Variants in XPR1 observed in about 807,000 individuals in gnomAD.
XPR1 encodes the protein xenotropic and polytropic retrovirus receptor 1, also known as solute carrier family 53 member 1.
A neutral mutation model predicts 87.5 loss-of-function variants in XPR1; 28 were observed. That is an observed-to-expected ratio of 0.32 (90% CI 0.24 to 0.44). XPR1 has a LOEUF of 0.44. Ranked by LOEUF, XPR1 falls within the 20% of genes least tolerant of loss-of-function variation. The pLI is 1.00. For synonymous variants in XPR1, 300 were observed against 306.1 expected, an observed-to-expected ratio of 0.98 and a Z score of 0.21; for missense variants, 559 against 862.3, an observed-to-expected ratio of 0.65 and a Z score of 4.41.
chr1:180,806,982 T>C (rs1421682034), intron 6 of XPR1, among the ~76,000 whole-genome samples: 4 of 152,098 alleles, frequency 2.6e-5, no homozygotes, highest in Non-Finnish European at 4.4e-5. Context: ...TCAATAAATA[T>C]AGAAGGATTT....
chr1:180,683,558 T>C (rs1656661553), intron 2 of XPR1, among the ~76,000 whole-genome samples: 1 of 152,218 alleles, frequency 6.6e-6, no homozygotes, highest in Admixed American at 6.5e-5. Context: ...TCCACAATGG[T>C]TGAACTAGTT....
chr1:180,719,701 C>A (rs1438710668), intron 2 of XPR1, among the ~76,000 whole-genome samples: 1 of 152,142 alleles, frequency 6.6e-6, no homozygotes, highest in Non-Finnish European at 1.5e-5. Flanking sequence ...GTTGGGTTAT[C>A]TGTTACTTTA....
intron 1 of XPR1, among the ~76,000 whole-genome samples, chr1:180,663,481 G>C (rs2331626): frequency 0.73 from 111,062 of 152,050 alleles, 41,006 homozygotes; most frequent in African/African-American, 0.79. Context: ...CTTTTACTTT[G>C]TCCTAGATAA....
In XPR1 at chr1:180,885,049, C is replaced by T. The variant is rs1230086695; in HGVS notation, c.*983C>T. The T allele has an allele frequency of 1.3e-5, 2 of 152,576 alleles. No homozygotes were observed. The highest frequency in any genetic ancestry group is 2.9e-5 in the Non-Finnish European group (2 of 68,040). The allele number at this position is 152,576 out of a possible 1,614,324, so 9.5% of individuals were successfully genotyped here. Reference sequence around the variant, plus strand: ...ACACTGGCCCATATTTCAACCTTAACAGCTGAAGCTATGCCTTATTATGCA... The same window carrying T: ...ACACTGGCCCATATTTCAACCTTAATAGCTGAAGCTATGCCTTATTATGCA... On this transcript the variant is annotated 3_prime_UTR_variant, in exon 15 of 15. Coordinates refer to ENST00000367590, the MANE Select transcript of XPR1 (RefSeq NM_004736.4).
chr1:180,832,310 T>G (rs1157431690), intron 9 of XPR1, among the ~76,000 whole-genome samples: 1 of 152,226 alleles, frequency 6.6e-6, no homozygotes, highest in Non-Finnish European at 1.5e-5. Flanking sequence ...GATGGATAGA[T>G]TGCAAAAGTT....
At chr1:180,725,713 CTT>C (rs1389200132) in intron 2 of XPR1, among the ~76,000 whole-genome samples, 2 of 152,194 alleles carry the variant, frequency 1.3e-5, no homozygotes, top group African/African-American at 2.4e-5. Context: ...CATTTTAACA[CTT>C]TTGTTGTAAG....
chr1:180,841,951 TAAAG>T (rs1453311055), intron 11 of XPR1, among the ~76,000 whole-genome samples: 3 of 152,124 alleles, frequency 2.0e-5, no homozygotes, highest in Non-Finnish European at 4.4e-5. Context: ...TAGAATTTGT[TAAAG>T]AACATGGGAA....
intron 2 of XPR1, among the ~76,000 whole-genome samples, chr1:180,689,854 C>T (rs1054161383): frequency 6.6e-6 from 1 of 152,068 alleles, no homozygotes; most frequent in African/African-American, 2.4e-5. Flanking sequence ...TAAAACTATT[C>T]TAAGGTTAAA....
chr1:180,879,060 C>T lies in XPR1; in HGVS notation c.1809-1016C>T, dbSNP rs529805228. On this transcript the variant is annotated intron_variant, in intron 13 of 14. Transcript: ENST00000367590. ...ATTAGCTCTAACCTAACAGGAACAGCCCTGCATCTCTGATCTTAGTAAATG... is the reference window on the plus strand; with the variant it reads ...ATTAGCTCTAACCTAACAGGAACAGTCCTGCATCTCTGATCTTAGTAAATG... Among the ~76,000 whole-genome samples, 8 of 152,350 alleles carry T rather than the reference C, an allele frequency of 5.3e-5. No homozygotes were observed. In the East Asian group the frequency reaches 1.5e-3, roughly 29 times the overall value.
intron 7 of XPR1, among the ~76,000 whole-genome samples, chr1:180,815,854 T>C (rs1640509892): frequency 6.6e-6 from 1 of 152,146 alleles, no homozygotes; most frequent in South Asian, 2.1e-4. Context: ...TTTGGCAGTG[T>C]GTGTAAAAAT....
chr1:180,678,849 G>A (rs1385652277), intron 1 of XPR1, among the ~76,000 whole-genome samples: 2 of 152,138 alleles, frequency 1.3e-5, no homozygotes, highest in African/African-American at 4.8e-5. Context: ...TTAAAAGAGT[G>A]GGTTACCCTG....
rs1557994420 is a variant in XPR1 at position 180,760,679 on chromosome 1, G to A, written c.122-27074G>A. ...AGGAAGAATCAATATCGTGAAAATG[G>A]CCATACTGCCCAAGGTAATTTATAG... On this transcript the variant is annotated intron_variant, in intron 2 of 14. Transcript: ENST00000367590. 2.6e-5 allele frequency among the ~76,000 whole-genome samples: 4 copies of A among 152,250 alleles called. No homozygotes were observed. The South Asian group carries it at 8.3e-4, about 32-fold the overall frequency.
intron 9 of XPR1, among the ~76,000 whole-genome samples, chr1:180,830,674 A>G (rs1651024762): frequency 2.0e-5 from 3 of 152,212 alleles, no homozygotes; most frequent in Non-Finnish European, 2.9e-5. Flanking sequence ...CAGGAGTCAC[A>G]TTTCCTACTG....
intron 6 of XPR1, among the ~76,000 whole-genome samples, chr1:180,809,978 T>A (rs1650149732): frequency 6.6e-6 from 1 of 152,204 alleles, no homozygotes; most frequent in African/African-American, 2.4e-5. Context: ...CTCAATGCTT[T>A]GTTTTTGAAG....
At chr1:180,768,472 A>G (rs945964223) in intron 2 of XPR1, among the ~76,000 whole-genome samples, 1 of 152,258 alleles carries the variant, frequency 6.6e-6, no homozygotes, top group African/African-American at 2.4e-5. Flanking sequence ...CATGAGTACA[A>G]TTAGATTTAT....
intron 1 of XPR1, among the ~76,000 whole-genome samples, chr1:180,642,519 C>T (rs1009377624): frequency 1.3e-5 from 2 of 151,896 alleles, no homozygotes; most frequent in East Asian, 1.9e-4. Context: ...TAATCCTTAC[C>T]TTCTAAGGTA....
intron 4 of XPR1, among the ~76,000 whole-genome samples, chr1:180,805,665 T>C (rs2102122065): frequency 6.6e-6 from 1 of 152,332 alleles, no homozygotes; most frequent in Middle Eastern, 3.4e-3. Flanking sequence ...ATGTGTTCAG[T>C]GCATGGGCAA....
chr1:180,841,062 T>C (rs1178883195), intron 11 of XPR1, among the ~76,000 whole-genome samples: 1 of 152,222 alleles, frequency 6.6e-6, no homozygotes, highest in African/African-American at 2.4e-5. Context: ...TTGTTAAGTG[T>C]ACTGTTTTAG....
At chr1:180,697,546 T>G (rs1352018450) in intron 2 of XPR1, among the ~76,000 whole-genome samples, 4 of 152,128 alleles carry the variant, frequency 2.6e-5, no homozygotes, top group Admixed American at 2.0e-4. Flanking sequence ...TATCATTAAA[T>G]AATTTGAAAT....
Sources: gnomAD v4.1 joint callset for allele counts (sites outside exome capture counted in the v4.1 genomes callset) on GRCh38, gnomAD v4.1.1 for gene constraint, MANE v1.5 for transcripts, NCBI Gene and HGNC (gene_info 2026-07-23, HGNC 2026-07-21) for gene names.